TTC39A: variants seen among roughly 807,000 people sequenced by gnomAD.
TTC39A encodes the protein tetratricopeptide repeat protein 39A.
In TTC39A, 46 loss-of-function variants were observed where a neutral mutation model predicts 82.3. That is an observed-to-expected ratio of 0.56 (90% confidence interval 0.44 to 0.71). TTC39A has a LOEUF of 0.71. Among genes scored for constraint, TTC39A ranks in the 30% least tolerant of loss-of-function variants. TTC39A has a pLI of 0.00. For synonymous variants in TTC39A, 254 were observed against 275.2 expected, an observed-to-expected ratio of 0.92 and a Z score of 0.76; for missense variants, 543 against 712.9, an observed-to-expected ratio of 0.76 and a Z score of 2.71.
chr1:51,305,989 C>A lies in TTC39A; in HGVS notation c.576G>T (p.Gly192=). 1.2e-6 allele frequency: 2 copies of A among 1,613,920 alleles called. No homozygotes were observed. The highest frequency in any genetic ancestry group is 1.7e-6 in the Non-Finnish European group (2 of 1,179,844). The part of the protein sequence containing the change: ...HFEGGVKLGV[G]AFNLTLSMLP... ...GAGGAGCACTCACCAGGTTGAAGGCCCCTACACCAAGCTTCACTCCTCCTT... is the reference window on the plus strand; with the variant it reads ...GAGGAGCACTCACCAGGTTGAAGGCACCTACACCAAGCTTCACTCCTCCTT... The change falls in exon 7 of 18, where the codon GGG becomes GGT. Residue 192 remains glycine (G), a synonymous_variant. Transcript: ENST00000680483.
intron 1 of TTC39A, among the ~76,000 whole-genome samples, chr1:51,340,679 C>T (rs995093250): frequency 6.6e-6 from 1 of 152,198 alleles, no homozygotes; most frequent in African/African-American, 2.4e-5. Context: ...GAAGCCCTTC[C>T]TCTTATAATC....
chr1:51,321,032 C>T lies in TTC39A; in HGVS notation c.146+689G>A, dbSNP rs890462698. 1.3e-5 allele frequency among the ~76,000 whole-genome samples: 2 copies of T among 152,004 alleles called. No individual in the cohort carries two copies. Among genetic ancestry groups the T allele is most frequent in the African/African-American group, 4.8e-5 (2 of 41,378 alleles). On this transcript the variant is annotated intron_variant, in intron 2 of 17. Coordinates refer to ENST00000680483, the MANE Select transcript of TTC39A (RefSeq NM_001297663.2). This position sits in a 1 kb window ranked among gnomAD's most constrained non-coding sequence, Gnocchi z 4.6. ...GGATTACAGGCACACACCACCACAC[C>T]CAGCTAATTTTTTATATTTTTGGTA...
intron 1 of TTC39A, among the ~76,000 whole-genome samples, chr1:51,337,932 C>T (rs980515229): frequency 1.3e-5 from 2 of 152,152 alleles, no homozygotes; most frequent in African/African-American, 2.4e-5. Flanking sequence ...TGGTCTTGAA[C>T]TCCTGGGCTC....
intron 14 of TTC39A, among the ~76,000 whole-genome samples, chr1:51,291,611 C>G (rs1345393404): frequency 2.5e-5 from 3 of 118,634 alleles, no homozygotes; most frequent in Non-Finnish European, 5.0e-5. Context: ...GGCAACATGG[C>G]GAAACCCCAT....
At position 51,288,471 on chromosome 1, in the gene TTC39A, T is replaced by C. The variant is rs923745266; in HGVS notation, c.1611-191A>G. Among the ~76,000 whole-genome samples the C allele has an allele frequency of 1.3e-5, 2 of 152,140 alleles. No individual in the cohort carries two copies. Among genetic ancestry groups the C allele is most frequent in the African/African-American group, 4.8e-5 (2 of 41,428 alleles). On this transcript the variant is annotated intron_variant, in intron 17 of 17. Transcript: ENST00000680483. This position sits in a 1 kb window ranked among gnomAD's most constrained non-coding sequence, Gnocchi z 4.8. Reference sequence around the variant, plus strand: ...TTGTGGCCCCTCATCCCTGGTATCATGGCCACTGGAACCACTCCTGGTCCT... The same window carrying C: ...TTGTGGCCCCTCATCCCTGGTATCACGGCCACTGGAACCACTCCTGGTCCT...
At chr1:51,336,026 C>T (rs1233105956), upstream of TTC39A, among the ~76,000 whole-genome samples, 1 of 151,954 alleles carries the variant, frequency 6.6e-6, no homozygotes, top group Non-Finnish European at 1.5e-5. Flanking sequence ...CATGAAGCGC[C>T]CCCTCCCCAA....
At chr1:51,314,705 G>C (rs1457703939) in intron 2 of TTC39A, among the ~76,000 whole-genome samples, 1 of 152,176 alleles carries the variant, frequency 6.6e-6, no homozygotes, top group Non-Finnish European at 1.5e-5. Context: ...GCTGCCCAGA[G>C]TGGGGGCCAG....
At chr1:51,328,045 A>G (rs1010013230) in intron 1 of TTC39A, among the ~76,000 whole-genome samples, 2 of 152,136 alleles carry the variant, frequency 1.3e-5, no homozygotes, top group East Asian at 3.8e-4. Context: ...ATGAAACTAA[A>G]TAACTTTAAA....
intron 1 of TTC39A, among the ~76,000 whole-genome samples, chr1:51,343,284 G>C (rs2148324977): frequency 6.6e-6 from 1 of 152,326 alleles, no homozygotes; most frequent in African/African-American, 2.4e-5. Context: ...GAAATCGTCT[G>C]TCCACAAAAA....
At chr1:51,311,998 C>G (rs1053608996) in intron 4 of TTC39A, 121 bp downstream of exon 4, 7 of 1,087,474 alleles carry the variant, frequency 6.4e-6, no homozygotes, top group Admixed American at 2.6e-5. Context: ...CATGTGTGTC[C>G]TGGCATGGAC....
chr1:51,321,936 G>A lies in TTC39A; in HGVS notation c.42-111C>T. On this transcript the variant is annotated intron_variant, in intron 1 of 17. Coordinates refer to ENST00000680483, the MANE Select transcript of TTC39A (RefSeq NM_001297663.2). This position sits in a 1 kb window ranked among gnomAD's most constrained non-coding sequence, Gnocchi z 4.6. ...TCAGCCTCCCTGGCCAGCCTTGGGT[G>A]CCTGTCACGAGCTCCTCCAGGCTGC... is the stretch of plus-strand genomic sequence containing the variant. The A allele has an allele frequency of 1.5e-6, 2 of 1,328,994 alleles. No individual in the cohort carries two copies. The allele number at this position is 1,328,994 out of a possible 1,614,324, so 82.3% of individuals were successfully genotyped here.
intron 12 of TTC39A, chr1:51,297,257 C>T (rs183737042): frequency 6.6e-6 from 1 of 151,594 alleles, no homozygotes; most frequent in Non-Finnish European, 1.5e-5. Flanking sequence ...GTCGCCCAGG[C>T]TAAGGCTGGA....
In TTC39A at chr1:51,311,270, G is replaced by A. The variant is rs1380349908; in HGVS notation, c.407C>T (p.Ala136Val). The A allele has an allele frequency of 6.3e-7, 1 of 1,585,376 alleles. No homozygotes were observed. ...CYAECLLQRA[A>V]LTFLQDENMV... ...GGTCCCTACCTGCAGGAAGGTCAGGGCTGCTCGCTGCAGCAGGCACTCTGC... is the reference window on the plus strand; with the variant it reads ...GGTCCCTACCTGCAGGAAGGTCAGGACTGCTCGCTGCAGCAGGCACTCTGC... The change falls in exon 5 of 18, where the codon GCC becomes GTC. Residue 136 changes from alanine (A) to valine (V), a missense_variant. Coordinates refer to ENST00000680483, the MANE Select transcript of TTC39A (RefSeq NM_001297663.2).
intron 15 of TTC39A, 47 bp from the exon 16 acceptor site, chr1:51,290,166 CA>C (rs760330308): frequency 6.4e-7 from 1 of 1,567,012 alleles, no homozygotes; most frequent in African/African-American, 1.4e-5. Context: ...TTCATTTCTG[CA>C]GCAGTTACTT....
intron 8 of TTC39A, 151 bp downstream of exon 8, chr1:51,304,930 G>A (rs1644813834): frequency 2.8e-6 from 2 of 722,370 alleles, no homozygotes; most frequent in Non-Finnish European, 2.3e-6. Flanking sequence ...CTGAGGCCCA[G>A]GGAGGTCTGG....
chr1:51,311,069 C>G (rs1270398014), intron 5 of TTC39A, among the ~76,000 whole-genome samples, 185 bp downstream of exon 5: 1 of 152,248 alleles, frequency 6.6e-6, no homozygotes, highest in African/African-American at 2.4e-5. Context: ...GGAGATGATG[C>G]CCATCACTTC....
At chr1:51,300,279 T>C (rs1644601995) in intron 12 of TTC39A, 1 of 152,288 alleles carries the variant, frequency 6.6e-6, no homozygotes, top group Admixed American at 6.5e-5. Flanking sequence ...GAGAGCTCAG[T>C]AGAAGCCTGC....
At chr1:51,309,549 G>A (rs1569884487) in intron 5 of TTC39A, 4 of 1,067,594 alleles carry the variant, frequency 3.7e-6, no homozygotes, top group Non-Finnish European at 5.0e-6. Context: ...TGTGCTTGGA[G>A]AGAGGCCTGG....
upstream of TTC39A, chr1:51,330,761 A>C: frequency 2.2e-6 from 1 of 460,924 alleles, no homozygotes; most frequent in Non-Finnish European, 3.2e-6. The surrounding 1 kb of genome is among the most constrained non-coding windows in gnomAD (Gnocchi z 4.5). Flanking sequence ...CTGCGCAGAC[A>C]CCGCCCGGGC....
Sources: gnomAD v4.1 joint callset for allele counts (sites outside exome capture counted in the v4.1 genomes callset) on GRCh38, gnomAD v4.1.1 for gene constraint, Gnocchi (gnomAD v3.1) non-coding constraint, MANE v1.5 for transcripts, NCBI Gene and HGNC (gene_info 2026-07-23, HGNC 2026-07-21) for gene names.